The following MTCL1 variants were observed in gnomAD, a reference collection of about 807,000 sequenced individuals.
The protein encoded by MTCL1 is microtubule crosslinking factor 1.
A neutral mutation model predicts 141.4 loss-of-function variants in MTCL1; 79 were observed. The ratio of observed to expected loss-of-function variants is 0.56; its 90% CI spans 0.47 to 0.67. The LOEUF (loss-of-function observed/expected upper bound fraction) is 0.67. Ranked by LOEUF, MTCL1 falls within the 30% of genes least tolerant of loss-of-function variation. MTCL1 has a pLI of 0.00. For missense variants in MTCL1, 2,177 were observed against 2,113.9 expected, an observed-to-expected ratio of 1.03 and a Z score of -0.59; for synonymous variants, 914 against 875.8, an observed-to-expected ratio of 1.04 and a Z score of -0.77.
chr18:8,713,955 G>A (rs988038855), upstream of MTCL1, among the ~76,000 whole-genome samples: 2 of 152,138 alleles, frequency 1.3e-5, no homozygotes, highest in Non-Finnish European at 2.9e-5. Context: ...TAAAAAAAGC[G>A]GGGAAGGGGC....
intron 12 of MTCL1, among the ~76,000 whole-genome samples, chr18:8,815,706 A>G (rs1034698489): frequency 3.1e-4 from 47 of 151,966 alleles, no homozygotes; most frequent in Non-Finnish European, 8.8e-5. Flanking sequence ...TTTTGAGACT[A>G]TATTTTGGAA....
Position 8,828,791 on chromosome 18 carries a change from AGAGGGATG to A in MTCL1, c.4723-115_4723-108del. ...CTCTCCTGGTGGCTACCCCTGAGCG[AGAGGGATG>A]GTCCTCTACCTCCGGGCTTGCTGAC... On this transcript the variant is annotated intron_variant, in intron 15 of 16. Coordinates refer to ENST00000359865, the Ensembl canonical transcript of MTCL1. The surrounding 1 kb of genome is among the most constrained non-coding windows in gnomAD (Gnocchi z 5.2). 1 of 1,534,708 alleles carries A rather than the reference AGAGGGATG, an allele frequency of 6.5e-7. No homozygotes were observed. The highest frequency in any genetic ancestry group is 8.8e-7 in the Non-Finnish European group (1 of 1,137,044).
rs766630472 is a variant in MTCL1, at chr18:8,786,122, G to A, written c.1887+31G>A. 1.8e-3 allele frequency: 893 copies of A among 492,330 alleles called. 2 individuals are homozygous for A. The highest frequency in any genetic ancestry group is 4.0e-3 in the Admixed American group (89 of 22,106). The allele number at this position is 492,330 out of a possible 1,614,324, so 30.5% of individuals were successfully genotyped here. A position where few individuals can be genotyped will look rare whatever the true frequency, so the allele number is the denominator to read the frequency against. On this transcript the variant is annotated intron_variant, in intron 7 of 16. Coordinates refer to ENST00000359865, the Ensembl canonical transcript of MTCL1. ...CGTGGGCAAGCAATCCCCCCCCCCC[G>A]CCCTCCCCCTCCTTTTTCTGTGTGG...
rs1483933303 is a variant in MTCL1, at chr18:8,793,128, T to C, written c.2010+8T>C. ...ACAAACAAGATCCATAAGGTAAATATTTAACACGGACTCAGCACAACCGCT... is the reference window on the plus strand; with the variant it reads ...ACAAACAAGATCCATAAGGTAAATACTTAACACGGACTCAGCACAACCGCT... On this transcript the variant is annotated splice_region_variant and intron_variant, in intron 8 of 16. Transcript: ENST00000359865. 4 of 1,613,254 alleles carry C rather than the reference T, an allele frequency of 2.5e-6. No individual in the cohort carries two copies. Among genetic ancestry groups the C allele is most frequent in the Non-Finnish European group, 3.4e-6 (4 of 1,179,562 alleles).
rs2075715491 is a variant in MTCL1, at chr18:8,791,255, TC to T, written c.1888-1739del. On this transcript the variant is annotated intron_variant, in intron 7 of 16. Transcript: ENST00000359865. ...CAGGGAGGCAGCACTGATACTTGTT[TC>T]CCCAGCATGAGCCTCTGGATCAGGA... Among the ~76,000 whole-genome samples the T allele has an allele frequency of 2.0e-5, 3 of 151,984 alleles. No individual in the cohort carries two copies. The South Asian group carries it at 6.3e-4, about 32-fold the overall frequency.
chr18:8,748,190 A>G (rs2096351015), intron 4 of MTCL1, among the ~76,000 whole-genome samples: 1 of 152,024 alleles, frequency 6.6e-6, no homozygotes, highest in Non-Finnish European at 1.5e-5. Flanking sequence ...CAGACCTCAC[A>G]CCAAGCCGGA....
chr18:8,721,441 G>A (rs1369462764), intron 4 of MTCL1, among the ~76,000 whole-genome samples: 1 of 140,778 alleles, frequency 7.1e-6, no homozygotes, highest in African/African-American at 2.4e-5. Context: ...CAGGCCCACA[G>A]ATAACAAAAC....
chr18:8,818,821 C>T, intron 12 of MTCL1, 142 bp from the exon 12 acceptor site: 1 of 889,656 alleles, frequency 1.1e-6, no homozygotes, highest in Non-Finnish European at 1.7e-6. Flanking sequence ...AAATTAAGAT[C>T]AGAACTTTAA....
intron 8 of MTCL1, 67 bp downstream of exon 7, chr18:8,793,187 A>T (rs1487363464): frequency 1.3e-6 from 2 of 1,590,752 alleles, no homozygotes; most frequent in East Asian, 4.5e-5. Flanking sequence ...GAGAAATGCC[A>T]CGATACATTT....
Position 8,822,535 on chromosome 18 carries a change from C to G in MTCL1, c.3188+1037C>G, listed in dbSNP as rs1354724441. Among the ~76,000 whole-genome samples, 1 of 152,130 alleles carries G rather than the reference C, an allele frequency of 6.6e-6. No homozygotes were observed. Among genetic ancestry groups the G allele is most frequent in the African/African-American group, 2.4e-5 (1 of 41,426 alleles). On this transcript the variant is annotated intron_variant, in intron 14 of 16. Coordinates refer to ENST00000359865, the Ensembl canonical transcript of MTCL1. This position sits in a 1 kb window ranked among gnomAD's most constrained non-coding sequence, Gnocchi z 4.6. Reference sequence around the variant, plus strand: ...CGAATTCCTGACCTCAGGTGATCCACCCGCCTCAGCCTCCCGAAGTGCTGG... The same window carrying G: ...CGAATTCCTGACCTCAGGTGATCCAGCCGCCTCAGCCTCCCGAAGTGCTGG...
intron 9 of MTCL1, among the ~76,000 whole-genome samples, chr18:8,797,103 C>A (rs1454107143): frequency 6.6e-6 from 1 of 152,186 alleles, no homozygotes; most frequent in African/African-American, 2.4e-5. Flanking sequence ...TAGCAAAGTT[C>A]CGCTCCCGTC....
intron 1 of MTCL1, 62 bp downstream of exon 1, chr18:8,706,775 G>C (rs2096060193): frequency 2.6e-6 from 4 of 1,530,056 alleles, no homozygotes; most frequent in Non-Finnish European, 3.5e-6. Flanking sequence ...CTGCGGCGGG[G>C]ACCCGCCAAC....
At chr18:8,710,764 T>A (rs1339707749) in intron 1 of MTCL1, among the ~76,000 whole-genome samples, 2 of 150,594 alleles carry the variant, frequency 1.3e-5, no homozygotes, top group African/African-American at 4.9e-5. Context: ...TGGGAACTAG[T>A]CTATGTTAGG....
chr18:8,830,798 G>A lies in MTCL1; in HGVS notation c.*19-809G>A. ...AGCAAATTCCAAATTTGGGTGTCCT[G>A]GTTTTGTAACATGTAAGGACAAGGA... On this transcript the variant is annotated intron_variant, in intron 16 of 16. Transcript: ENST00000359865. This position sits in a 1 kb window ranked among gnomAD's most constrained non-coding sequence, Gnocchi z 6.4. 5.1e-6 allele frequency: 5 copies of A among 985,326 alleles called. No homozygotes were observed. Among genetic ancestry groups the A allele is most frequent in the Non-Finnish European group, 6.0e-6 (5 of 829,922 alleles). 61.0% of individuals were successfully genotyped at this position (985,326 alleles called of 1,614,324 possible).
chr18:8,825,052 G>C, exon 15 of MTCL1: 1 of 1,612,988 alleles, frequency 6.2e-7, no homozygotes, highest in Non-Finnish European at 8.5e-7. Context: ...CCACTGCGGA[G>C]CCACGTCCTC....
Position 8,819,519 on chromosome 18 carries a change from A to G in MTCL1, c.3156+260A>G, listed in dbSNP as rs2076772039. ...TGGACTAGAGTCCTATACAAAAGGA[A>G]GGTCTCACAAATAAGTGTGTCCCAT... is the stretch of plus-strand genomic sequence containing the variant. On this transcript the variant is annotated intron_variant, in intron 13 of 16. Coordinates refer to ENST00000359865, the Ensembl canonical transcript of MTCL1. Among the ~76,000 whole-genome samples, 3 of 152,232 alleles carry G rather than the reference A, an allele frequency of 2.0e-5. No homozygotes were observed. The South Asian group carries it at 6.2e-4, about 32-fold the overall frequency.
At chr18:8,821,004 G>A (rs371013000) in intron 13 of MTCL1, among the ~76,000 whole-genome samples, 1 of 152,128 alleles carries the variant, frequency 6.6e-6, no homozygotes, top group Non-Finnish European at 1.5e-5. Context: ...AGGATGTCAC[G>A]CCAACTTCTA....
exon 6 of MTCL1, chr18:8,784,165 G>A: frequency 6.2e-7 from 1 of 1,613,838 alleles, no homozygotes; most frequent in South Asian, 1.1e-5. Flanking sequence ...TCAGCGGCAA[G>A]GTGCTCAAAC....
Position 8,779,306 on chromosome 18 carries a change from A to C in MTCL1, c.417+1414A>C, listed in dbSNP as rs910102746. Among the ~76,000 whole-genome samples, 2 of 152,168 alleles carry C rather than the reference A, an allele frequency of 1.3e-5. No individual in the cohort carries two copies. The highest frequency in any genetic ancestry group is 6.5e-5 in the Admixed American group (1 of 15,284). On this transcript the variant is annotated intron_variant, in intron 5 of 16. Transcript: ENST00000359865. This position sits in a 1 kb window ranked among gnomAD's most constrained non-coding sequence, Gnocchi z 4.1. ...GCCTGCAACAGGAATCGTGTGTCATATGGAAAGTTGGACTTGACCTACTTT... is the reference window on the plus strand; with the variant it reads ...GCCTGCAACAGGAATCGTGTGTCATCTGGAAAGTTGGACTTGACCTACTTT...
Sources: gnomAD v4.1 joint callset for allele counts (sites outside exome capture counted in the v4.1 genomes callset) on GRCh38, gnomAD v4.1.1 for gene constraint, Gnocchi (gnomAD v3.1) non-coding constraint, MANE v1.5 for transcripts, NCBI Gene and HGNC (gene_info 2026-07-23, HGNC 2026-07-21) for gene names.